Variants in TASP1 observed in about 807,000 individuals in gnomAD.
TASP1 encodes the protein taspase 1, also known as threonine aspartase 1.
Under a neutral mutation model 56.6 loss-of-function variants are expected in TASP1, and 16 were observed. The observed-to-expected ratio is 0.28, with a 90% CI of 0.19 to 0.43. The LOEUF (loss-of-function observed/expected upper bound fraction) is 0.43. Among genes scored for constraint, TASP1 ranks in the 20% least tolerant of loss-of-function variants. The pLI is 1.00. For synonymous variants in TASP1, 179 were observed against 184.2 expected, an observed-to-expected ratio of 0.97 and a Z score of 0.23; for missense variants, 393 against 511.6, an observed-to-expected ratio of 0.77 and a Z score of 2.24.
At chr20:13,273,215 T>TTTTTA in the TASP1 span, among the ~76,000 whole-genome samples, 3,961 of 130,670 alleles carry the variant, frequency 0.03, 134 homozygotes, top group East Asian at 0.073. Flanking sequence ...ACTTGGGTCT[T>TTTTTA]TTTTATTTTA....
the TASP1 span, among the ~76,000 whole-genome samples, chr20:13,134,231 G>A: frequency 6.6e-6 from 1 of 152,184 alleles, no homozygotes; most frequent in African/African-American, 2.4e-5. Context: ...TCGTGATGCA[G>A]ATGCTCACAA....
At chr20:13,414,456 G>C (rs1017937410) in intron 13 of TASP1, among the ~76,000 whole-genome samples, 2 of 152,168 alleles carry the variant, frequency 1.3e-5, no homozygotes. Context: ...TCTGTGGAGA[G>C]ACACTTAAAG....
the TASP1 span, among the ~76,000 whole-genome samples, chr20:13,218,097 A>G: frequency 2.0e-5 from 3 of 152,086 alleles, no homozygotes; most frequent in African/African-American, 7.2e-5. Context: ...TAAAGAGTAC[A>G]AAAATCAGCC....
chr20:13,194,226 C>T, the TASP1 span, among the ~76,000 whole-genome samples: 4 of 151,964 alleles, frequency 2.6e-5, no homozygotes. Flanking sequence ...TACTTTTTTC[C>T]TTCTCTGAGC....
At chr20:13,190,498 G>A in the TASP1 span, among the ~76,000 whole-genome samples, 1 of 152,102 alleles carries the variant, frequency 6.6e-6, no homozygotes, top group Non-Finnish European at 1.5e-5. Flanking sequence ...AGTCTCCTCA[G>A]TGAGTGGTGC....
intron 6 of TASP1, among the ~76,000 whole-genome samples, chr20:13,577,961 C>G (rs2046984465): frequency 6.6e-6 from 1 of 152,138 alleles, no homozygotes; most frequent in African/African-American, 2.4e-5. Flanking sequence ...CTACAAGCAA[C>G]AATGCTATAG....
At chr20:13,108,262 AACAC>A in the TASP1 span, among the ~76,000 whole-genome samples, 2 of 152,182 alleles carry the variant, frequency 1.3e-5, no homozygotes, top group African/African-American at 4.8e-5. Context: ...ATTAAAAAGA[AACAC>A]ACACACACAA....
intron 1 of TASP1, among the ~76,000 whole-genome samples, chr20:13,635,408 GAC>G (rs2049268333): frequency 7.9e-6 from 1 of 126,468 alleles, no homozygotes; most frequent in African/African-American, 3.3e-5. Context: ...TTTTTTTTGA[GAC>G]ACAGTCTCGC....
At chr20:13,361,188 C>T in the TASP1 span, among the ~76,000 whole-genome samples, 2 of 151,438 alleles carry the variant, frequency 1.3e-5, no homozygotes, top group Admixed American at 6.6e-5. Flanking sequence ...ACTCAACATG[C>T]CCTGAGTCAG....
At chr20:13,460,756 C>T (rs1158762681) in intron 11 of TASP1, among the ~76,000 whole-genome samples, 4 of 152,038 alleles carry the variant, frequency 2.6e-5, no homozygotes, top group African/African-American at 9.7e-5. Context: ...CCTTCAAAAA[C>T]TATCCGGAAT....
chr20:13,507,801 G>A (rs1436728132), intron 10 of TASP1, among the ~76,000 whole-genome samples: 5 of 152,084 alleles, frequency 3.3e-5, no homozygotes, highest in Admixed American at 3.3e-4. Context: ...AACAAGGGTG[G>A]AAGCATCATG....
At chr20:13,316,486 C>CA in the TASP1 span, among the ~76,000 whole-genome samples, 5 of 151,660 alleles carry the variant, frequency 3.3e-5, no homozygotes, top group African/African-American at 1.2e-4. Flanking sequence ...AAAGCTATTA[C>CA]AAAAAAAGTA....
chr20:13,214,255 G>A, the TASP1 span, among the ~76,000 whole-genome samples: 1 of 152,184 alleles, frequency 6.6e-6, no homozygotes, highest in Non-Finnish European at 1.5e-5. Context: ...TTCTCTGTGT[G>A]ATGAACTACC....
At chr20:13,223,861 T>A in the TASP1 span, among the ~76,000 whole-genome samples, 1 of 152,168 alleles carries the variant, frequency 6.6e-6, no homozygotes, top group African/African-American at 2.4e-5. Flanking sequence ...TGAAAAGCCA[T>A]AAAAATGATG....
the TASP1 span, chr20:13,292,254 G>T: frequency 1.6e-6 from 1 of 644,798 alleles, no homozygotes; most frequent in Non-Finnish European, 2.7e-6. Context: ...GTTTCTGCCC[G>T]TGAGTAGTAA....
At chr20:13,162,937 C>G in the TASP1 span, among the ~76,000 whole-genome samples, 1 of 152,134 alleles carries the variant, frequency 6.6e-6, no homozygotes, top group Admixed American at 6.5e-5. Flanking sequence ...AAACCTAACT[C>G]TGAGCACGAG....
chr20:13,133,670 G>T, the TASP1 span, among the ~76,000 whole-genome samples: 2 of 152,118 alleles, frequency 1.3e-5, no homozygotes, highest in Non-Finnish European at 2.9e-5. Context: ...GGAGGCGGAG[G>T]CTGCAGTGAG....
the TASP1 span, among the ~76,000 whole-genome samples, chr20:13,108,716 AG>A: frequency 6.6e-6 from 1 of 152,126 alleles, no homozygotes; most frequent in Non-Finnish European, 1.5e-5. Context: ...CTGGGATTAG[AG>A]GTGCCTACCA....
rs185749011 is a variant in TASP1, at chr20:13,435,069, G to A, written c.1071C>T (p.Ser357=). ...CTAGAAGTGTCTGCTTATTTTGGGA[G>A]GAGTCAGGCTCGGCAGAACATCTGC... ...RSCRCSAEPD[S]SQNKQTLLVE... The change falls in exon 12 of 14, where the codon TCC becomes TCT. Residue 357 remains serine, a synonymous_variant. Coordinates refer to ENST00000337743, the MANE Select transcript of TASP1 (RefSeq NM_017714.3). 2.5e-6 allele frequency: 4 copies of A among 1,611,118 alleles called. No individual in the cohort carries two copies. In the East Asian group the frequency reaches 9.0e-5, roughly 36 times the overall value.
Sources: gnomAD v4.1 joint callset for allele counts (sites outside exome capture counted in the v4.1 genomes callset) on GRCh38, gnomAD v4.1.1 for gene constraint, MANE v1.5 for transcripts, NCBI Gene and HGNC (gene_info 2026-07-23, HGNC 2026-07-21) for gene names.